The following AKAP13 variants were observed in gnomAD, a reference collection of about 807,000 sequenced individuals.
AKAP13 encodes the protein A-kinase anchoring protein 13, also known as A-kinase anchor protein 13.
AKAP13 carries 80 observed loss-of-function variants against 264.5 expected under a neutral mutation model. The ratio of observed to expected loss-of-function variants is 0.30; its 90% CI spans 0.25 to 0.36. The LOEUF (loss-of-function observed/expected upper bound fraction) is 0.36. AKAP13 is among the 10% of genes least tolerant of loss of function. AKAP13 has a pLI of 1.00. For synonymous variants in AKAP13, 1,380 were observed against 1,250.2 expected (o/e 1.10, Z -2.19); for missense variants, 3,712 against 3,435.2 (o/e 1.08, Z -2.01).
intron 1 of AKAP13, among the ~76,000 whole-genome samples, chr15:85,451,914 C>T (rs1041099678): frequency 6.6e-6 from 1 of 152,150 alleles, no homozygotes; most frequent in African/African-American, 2.4e-5. Context: ...GTTGGCCTCT[C>T]TAGCAAAGTT....
intron 9 of AKAP13, among the ~76,000 whole-genome samples, chr15:85,642,072 C>T (rs416870): frequency 0.64 from 97,183 of 152,054 alleles, 31,237 homozygotes; most frequent in Middle Eastern, 0.73. Context: ...ATGGGACTGG[C>T]CCTACCTGTG....
intron 10 of AKAP13, among the ~76,000 whole-genome samples, chr15:85,646,464 A>C (rs1275056026): frequency 6.6e-6 from 1 of 152,218 alleles, no homozygotes; most frequent in Non-Finnish European, 1.5e-5. Flanking sequence ...AGCATTGGCC[A>C]AAGTTATTTA....
chr15:85,658,661 G>T, intron 12 of AKAP13, 71 bp downstream of exon 12: 1 of 1,361,802 alleles, frequency 7.3e-7, no homozygotes. Flanking sequence ...ATCTCATTCT[G>T]CTTAATCCAT....
intron 1 of AKAP13, among the ~76,000 whole-genome samples, chr15:85,482,499 A>G (rs2075381905): frequency 6.6e-6 from 1 of 152,188 alleles, no homozygotes; most frequent in South Asian, 2.1e-4. Flanking sequence ...TGACAGCTGA[A>G]TTAACAATGT....
At chr15:85,386,084 C>G (rs531382247) in intron 1 of AKAP13, among the ~76,000 whole-genome samples, 187 of 152,260 alleles carry the variant, frequency 1.2e-3, no homozygotes, top group Middle Eastern at 3.4e-3. Flanking sequence ...CTCGGCCTCC[C>G]AAAGTGCTGG....
chr15:85,738,468 G>A (rs557317935), intron 33 of AKAP13, among the ~76,000 whole-genome samples: 1 of 152,044 alleles, frequency 6.6e-6, no homozygotes, highest in South Asian at 2.1e-4. Context: ...TTTGTGTTTT[G>A]TTTTTAAATG....
At chr15:85,465,119 T>TC (rs2074677521) in intron 1 of AKAP13, among the ~76,000 whole-genome samples, 2 of 150,500 alleles carry the variant, frequency 1.3e-5, no homozygotes, top group African/African-American at 4.9e-5. Context: ...TTTTTTTTTT[T>TC]TTTGTATTTT....
intron 8 of AKAP13, chr15:85,620,232 C>T: frequency 2.0e-6 from 3 of 1,489,952 alleles, no homozygotes; most frequent in Non-Finnish European, 2.7e-6. Flanking sequence ...GCGCTTTGAA[C>T]CCGGTAGCCA....
chr15:85,677,168 T>C, intron 14 of AKAP13: 5 of 981,672 alleles, frequency 5.1e-6, no homozygotes, highest in Non-Finnish European at 6.0e-6. Flanking sequence ...TGCTGTAGGC[T>C]TGGTACTAAG....
chr15:85,430,616 G>C (rs1312780752), intron 1 of AKAP13, among the ~76,000 whole-genome samples: 1 of 152,190 alleles, frequency 6.6e-6, no homozygotes, highest in African/African-American at 2.4e-5. Flanking sequence ...TGTGGTTGGA[G>C]TGATACTGTG....
At chr15:85,720,284 GTGTGTGTT>G (rs1419891704) in intron 23 of AKAP13, among the ~76,000 whole-genome samples, 6 of 97,728 alleles carry the variant, frequency 6.1e-5, no homozygotes, top group African/African-American at 1.8e-4. Flanking sequence ...GTGTGTGTGT[GTGTGTGTT>G]GGAAATCTTC....
In AKAP13 at chr15:85,696,387, T is replaced by C. The variant is rs1404965152; in HGVS notation, c.5464+2936T>C. Among the ~76,000 whole-genome samples the C allele has an allele frequency of 5.3e-5, 8 of 152,310 alleles. No homozygotes were observed. In the East Asian group the frequency reaches 1.4e-3, roughly 26 times the overall value. On this transcript the variant is annotated intron_variant, in intron 17 of 36. Coordinates refer to ENST00000394518, the MANE Select transcript of AKAP13 (RefSeq NM_007200.5). ...CCGCTCCCTTAAGAAACCTCTAGTG[T>C]CACATATAAAGTGAGGCTGCCTAAC...
In AKAP13 at chr15:85,734,140, G is replaced by T. The variant is rs2088262242; in HGVS notation, c.7283-852G>T. Among the ~76,000 whole-genome samples the T allele has an allele frequency of 2.1e-5, 3 of 143,810 alleles. 1 individual carries two copies. In the South Asian group the frequency reaches 6.5e-4, roughly 31 times the overall value. The allele number at this position is 143,810 out of a possible 152,430, so 94.3% of individuals were successfully genotyped here. On this transcript the variant is annotated intron_variant, in intron 30 of 36. Transcript: ENST00000394518. Reference sequence around the variant, plus strand: ...GAGCCACTGCACCCAGCTGTCTTTTGTCATTTTCTTAATGTGTTTTGGTCA... The same window carrying T: ...GAGCCACTGCACCCAGCTGTCTTTTTTCATTTTCTTAATGTGTTTTGGTCA...
intron 8 of AKAP13, among the ~76,000 whole-genome samples, chr15:85,622,464 G>A (rs1294593531): frequency 6.6e-6 from 1 of 152,198 alleles, no homozygotes; most frequent in Admixed American, 6.5e-5. Context: ...AGCAGGATGA[G>A]AAGGCCGGAG....
rs1444947594 is a variant in AKAP13, at chr15:85,708,311, G to A, written c.5532+225G>A. On this transcript the variant is annotated intron_variant, in intron 18 of 36. Coordinates refer to ENST00000394518, the MANE Select transcript of AKAP13 (RefSeq NM_007200.5). This position sits in a 1 kb window ranked among gnomAD's most constrained non-coding sequence, Gnocchi z 4.3. ...ACTTTCAGAAAAGAAAACGCTTTCAGAACTTCTTCACGTTCAATATACATT... is the reference window on the plus strand; with the variant it reads ...ACTTTCAGAAAAGAAAACGCTTTCAAAACTTCTTCACGTTCAATATACATT... Among the ~76,000 whole-genome samples, 1 of 152,172 alleles carries A rather than the reference G, an allele frequency of 6.6e-6. No homozygotes were observed. Among genetic ancestry groups the A allele is most frequent in the Non-Finnish European group, 1.5e-5 (1 of 68,026 alleles).
At chr15:85,479,086 T>A (rs547832656) in intron 1 of AKAP13, among the ~76,000 whole-genome samples, 6 of 152,326 alleles carry the variant, frequency 3.9e-5, no homozygotes, top group Admixed American at 2.6e-4. Flanking sequence ...CAGTCCCTTA[T>A]TCAGGAAATA....
intron 14 of AKAP13, among the ~76,000 whole-genome samples, chr15:85,675,051 C>T (rs2084148993): frequency 6.6e-6 from 1 of 152,064 alleles, no homozygotes; most frequent in Admixed American, 6.6e-5. Flanking sequence ...AATTGAATTG[C>T]TCTGTTACCA....
At chr15:85,596,882 TG>T (rs959473606) in intron 8 of AKAP13, among the ~76,000 whole-genome samples, 6 of 152,148 alleles carry the variant, frequency 3.9e-5, no homozygotes, top group African/African-American at 1.4e-4. Flanking sequence ...TGAAGTACCT[TG>T]GGAGTGGCAC....
chr15:85,542,875 C>A (rs1289155443), intron 4 of AKAP13, among the ~76,000 whole-genome samples: 2 of 152,216 alleles, frequency 1.3e-5, no homozygotes, highest in Non-Finnish European at 2.9e-5. Context: ...TCATCTACCT[C>A]TTCTCATTTG....
Sources: gnomAD v4.1 joint callset for allele counts (sites outside exome capture counted in the v4.1 genomes callset) on GRCh38, gnomAD v4.1.1 for gene constraint, Gnocchi (gnomAD v3.1) non-coding constraint, MANE v1.5 for transcripts, NCBI Gene and HGNC (gene_info 2026-07-23, HGNC 2026-07-21) for gene names.